The following SNAP91 variants were observed in gnomAD, a reference collection of about 807,000 sequenced individuals.
The protein encoded by SNAP91 is clathrin coat assembly protein AP180.
SNAP91 carries 27 observed loss-of-function variants against 100.3 expected under a neutral mutation model. That is an observed-to-expected ratio of 0.27 (90% CI 0.20 to 0.37). The LOEUF (loss-of-function observed/expected upper bound fraction) is 0.37, where lower values mean the gene tolerates loss of function less well. SNAP91 is among the 10% of genes least tolerant of loss of function. SNAP91 has a pLI of 1.00. For synonymous variants in SNAP91, 404 were observed against 398.6 expected, an observed-to-expected ratio of 1.01 and a Z score of -0.16; for missense variants, 986 against 1,123.7, an observed-to-expected ratio of 0.88 and a Z score of 1.75.
chr6:83,639,997 C>T (rs994306811), intron 8 of SNAP91, among the ~76,000 whole-genome samples: 3 of 152,096 alleles, frequency 2.0e-5, no homozygotes, highest in Non-Finnish European at 4.4e-5. Context: ...AGACTACCAA[C>T]ACTGATAAAC....
chr6:83,558,384 G>A (rs1781984974), intron 28 of SNAP91, among the ~76,000 whole-genome samples: 1 of 152,240 alleles, frequency 6.6e-6, no homozygotes, highest in East Asian at 1.9e-4. Context: ...CTTCCTGACT[G>A]TCCCCAAAAA....
At chr6:83,571,678 T>C (rs1167982483) in intron 26 of SNAP91, among the ~76,000 whole-genome samples, 1 of 152,216 alleles carries the variant, frequency 6.6e-6, no homozygotes, top group Non-Finnish European at 1.5e-5. Context: ...CTCTGGACTG[T>C]GGATTTTTGA....
chr6:83,663,236 T>C (rs2098598216), intron 3 of SNAP91, among the ~76,000 whole-genome samples: 1 of 152,062 alleles, frequency 6.6e-6, no homozygotes, highest in Non-Finnish European at 1.5e-5. Flanking sequence ...CTAATAACCC[T>C]ACAATGACCT....
intron 7 of SNAP91, among the ~76,000 whole-genome samples, chr6:83,642,514 T>C (rs1222649233): frequency 6.6e-6 from 1 of 152,256 alleles, no homozygotes; most frequent in African/African-American, 2.4e-5. Context: ...ACAAAGGACA[T>C]GAACTCATCA....
At chr6:83,663,079 A>G (rs1316386599) in intron 3 of SNAP91, among the ~76,000 whole-genome samples, 2 of 152,144 alleles carry the variant, frequency 1.3e-5, no homozygotes, top group East Asian at 3.9e-4. Flanking sequence ...CTGAGTTGCC[A>G]TGAACTGTGC....
At chr6:83,677,262 A>G (rs1451132252) in intron 2 of SNAP91, among the ~76,000 whole-genome samples, 1 of 152,216 alleles carries the variant, frequency 6.6e-6, no homozygotes, top group Non-Finnish European at 1.5e-5. Flanking sequence ...CAGTCATTTC[A>G]GAATCACTGG....
chr6:83,673,868 CTCTT>C (rs2098823324), intron 2 of SNAP91, among the ~76,000 whole-genome samples: 1 of 152,178 alleles, frequency 6.6e-6, no homozygotes, highest in Non-Finnish European at 1.5e-5. Flanking sequence ...CTTGGGAAGA[CTCTT>C]TCTTTCATAA....
chr6:83,646,536 C>G (rs1457942233), intron 7 of SNAP91, among the ~76,000 whole-genome samples: 3 of 152,074 alleles, frequency 2.0e-5, no homozygotes, highest in Non-Finnish European at 4.4e-5. Flanking sequence ...GATTTCTGGG[C>G]TCTCTATTCT....
chr6:83,696,798 C>G (rs1241937145), intron 2 of SNAP91, among the ~76,000 whole-genome samples: 1 of 152,070 alleles, frequency 6.6e-6, no homozygotes, highest in East Asian at 1.9e-4. Flanking sequence ...TTCTGTCTCC[C>G]CTACTAAGTC....
At chr6:83,659,821 C>T (rs1465201595) in intron 5 of SNAP91, among the ~76,000 whole-genome samples, 2 of 151,810 alleles carry the variant, frequency 1.3e-5, no homozygotes, top group Non-Finnish European at 2.9e-5. Context: ...ACCTGTATGA[C>T]TTGGAGTACA....
chr6:83,673,118 T>C (rs2098811196), intron 2 of SNAP91, among the ~76,000 whole-genome samples: 1 of 152,176 alleles, frequency 6.6e-6, no homozygotes, highest in South Asian at 2.1e-4. Context: ...AGCTTATATA[T>C]ATATGCAAGA....
intron 11 of SNAP91, among the ~76,000 whole-genome samples, chr6:83,611,916 T>C (rs139704522): frequency 0.049 from 6,775 of 137,610 alleles, 695 homozygotes; most frequent in African/African-American, 0.18. Flanking sequence ...AGAGACGGGG[T>C]TTCACTGTCT....
rs373027530 is a variant in SNAP91 at position 83,672,248 on chromosome 6, C to T, written c.131-6667G>A. Among the ~76,000 whole-genome samples, 22 of 152,164 alleles carry T rather than the reference C, an allele frequency of 1.4e-4. 1 individual carries two copies. The highest frequency in any genetic ancestry group is 4.8e-4 in the African/African-American group (20 of 41,532). ...TCAATCTCAAATACAATATTCTCCA[C>T]GAAGTCTTTTCTGATATTACCTTCA... On this transcript the variant is annotated intron_variant, in intron 2 of 29. Coordinates refer to ENST00000369694, the MANE Select transcript of SNAP91 (RefSeq NM_001242792.2).
intron 7 of SNAP91, among the ~76,000 whole-genome samples, chr6:83,654,545 G>A (rs117644759): frequency 1.3e-5 from 2 of 152,168 alleles, no homozygotes; most frequent in Non-Finnish European, 2.9e-5. Context: ...AGGCTTTATG[G>A]GGATTAAGTT....
chr6:83,575,256 G>A, intron 25 of SNAP91, 135 bp from the exon 26 acceptor site: 5 of 654,550 alleles, frequency 7.6e-6, no homozygotes. Context: ...AATAAGAACA[G>A]CAGTTAAAAC....
At chr6:83,707,769 A>G (rs1341849385) in intron 2 of SNAP91, 29 bp downstream of exon 2, 2 of 1,611,138 alleles carry the variant, frequency 1.2e-6, no homozygotes, top group African/African-American at 1.3e-5. Flanking sequence ...TGCCGTGCGC[A>G]TGTCCCTCTT....
At chr6:83,623,173 AT>A (rs2096797553) in intron 9 of SNAP91, 127 bp downstream of exon 9, 2 of 646,964 alleles carry the variant, frequency 3.1e-6, no homozygotes, top group Non-Finnish European at 5.4e-6. Flanking sequence ...AGGTAGAATA[AT>A]TTCCAAGAAA....
At chr6:83,706,371 T>A (rs1303850133) in intron 2 of SNAP91, among the ~76,000 whole-genome samples, 5 of 152,242 alleles carry the variant, frequency 3.3e-5, no homozygotes, top group Admixed American at 3.3e-4. Context: ...GGTCACAAAT[T>A]TACAATTTCT....
At chr6:83,678,628 G>T in intron 2 of SNAP91, 2 of 682,442 alleles carry the variant, frequency 2.9e-6, no homozygotes, top group Non-Finnish European at 4.6e-6. Context: ...TCTCTAAGAT[G>T]TCTCTCAAAT....
Sources: gnomAD v4.1 joint callset for allele counts (sites outside exome capture counted in the v4.1 genomes callset) on GRCh38, gnomAD v4.1.1 for gene constraint, MANE v1.5 for transcripts, NCBI Gene and HGNC (gene_info 2026-07-23, HGNC 2026-07-21) for gene names.